ICA1: variants seen among roughly 807,000 people sequenced by gnomAD.
ICA1 encodes 69 kDa islet cell autoantigen.
In ICA1, 40 loss-of-function variants were observed where a neutral mutation model predicts 71.0. The observed-to-expected ratio is 0.56, with a 90% CI of 0.44 to 0.73. The LOEUF is 0.73. ICA1 is among the 30% of genes least tolerant of loss of function. The pLI is 0.00. For missense variants in ICA1, 578 were observed against 576.5 expected (o/e 1.00, Z -0.03); for synonymous variants, 207 against 209.5 (o/e 0.99, Z 0.10).
intron 6 of ICA1, among the ~76,000 whole-genome samples, chr7:8,207,358 T>C (rs1289817880): frequency 6.6e-6 from 1 of 152,206 alleles, no homozygotes; most frequent in Non-Finnish European, 1.5e-5. Context: ...TCTGCTTCTT[T>C]TTAGGGCTCC....
At chr7:8,120,013 A>T (rs533339582) in intron 13 of ICA1, among the ~76,000 whole-genome samples, 30 of 152,326 alleles carry the variant, frequency 2.0e-4, no homozygotes, top group Middle Eastern at 3.4e-3. Context: ...ACACTCATGA[A>T]CCATACAATG....
At chr7:8,190,751 G>C (rs1396910243) in intron 6 of ICA1, among the ~76,000 whole-genome samples, 1 of 152,122 alleles carries the variant, frequency 6.6e-6, no homozygotes, top group South Asian at 2.1e-4. Context: ...GGAGGTTTTT[G>C]GATCAACAAC....
intron 6 of ICA1, among the ~76,000 whole-genome samples, chr7:8,197,547 G>GGA (rs371372631): frequency 1.6e-5 from 2 of 122,212 alleles, no homozygotes; most frequent in African/African-American, 6.5e-5. Flanking sequence ...CTTCGTCTCA[G>GGA]AAAAAAAAAA....
intron 6 of ICA1, among the ~76,000 whole-genome samples, chr7:8,184,179 C>CA (rs1783160206): frequency 6.6e-6 from 1 of 152,156 alleles, no homozygotes; most frequent in African/African-American, 2.4e-5. Flanking sequence ...AAATGTGGTG[C>CA]CTAGTCAAAC....
At position 8,141,770 on chromosome 7, in the gene ICA1, A is replaced by C. The variant is rs757035553; in HGVS notation, c.950T>G (p.Phe317Cys). ...EENQRKESSS[F>C]KTEDGKSILS... ...AAATAAAAATCAAAACTTACTCTTA[A>C]AACTAGAGGATTCCTTGCGCTGGTT... The change falls in exon 10 of 14, where the codon TTT (phenylalanine) becomes TGT (cysteine). Residue 317 changes from phenylalanine to cysteine, a missense_variant. Coordinates refer to ENST00000402384, the MANE Select transcript of ICA1 (RefSeq NM_001136020.3). 1.3e-6 allele frequency: 2 copies of C among 1,552,378 alleles called. No homozygotes were observed. The highest frequency in any genetic ancestry group is 1.8e-6 in the Non-Finnish European group (2 of 1,133,130).
At chr7:8,192,914 T>C (rs1433418406) in intron 6 of ICA1, among the ~76,000 whole-genome samples, 1 of 152,220 alleles carries the variant, frequency 6.6e-6, no homozygotes, top group African/African-American at 2.4e-5. Context: ...AAGTCCCCCT[T>C]ATTCTGCAGG....
intron 1 of ICA1, among the ~76,000 whole-genome samples, chr7:8,257,613 T>A (rs990057021): frequency 6.6e-6 from 1 of 152,198 alleles, no homozygotes; most frequent in African/African-American, 2.4e-5. Flanking sequence ...TCCACAGAAC[T>A]ATATTGCATT....
chr7:8,153,004 C>G (rs531008462), intron 8 of ICA1, among the ~76,000 whole-genome samples: 18 of 152,262 alleles, frequency 1.2e-4, no homozygotes, highest in African/African-American at 4.3e-4. Context: ...TCTAGCACTG[C>G]TGCTGTCATT....
At chr7:8,211,296 T>C (rs1793706922) in intron 6 of ICA1, among the ~76,000 whole-genome samples, 1 of 152,192 alleles carries the variant, frequency 6.6e-6, no homozygotes, top group Middle Eastern at 3.2e-3. Flanking sequence ...CCTTGTGCCA[T>C]GTGCCCTGCT....
rs368102904 is a variant in ICA1 at position 8,206,294 on chromosome 7, A to G, written c.579+12011T>C. The stretch of plus-strand genomic sequence containing the variant: ...TCCCTAAGTGACTTCACCTCCTCAC[A>G]TGGCTCTCCCTGCTGATGGCTTTCG... On this transcript the variant is annotated intron_variant, in intron 6 of 13. Coordinates refer to ENST00000402384, the MANE Select transcript of ICA1 (RefSeq NM_001136020.3). Among the ~76,000 whole-genome samples, 8 of 151,964 alleles carry G rather than the reference A, an allele frequency of 5.3e-5. No individual in the cohort carries two copies. In the East Asian group the frequency reaches 7.7e-4, roughly 15 times the overall value.
At chr7:8,256,722 T>A (rs538126112) in intron 1 of ICA1, among the ~76,000 whole-genome samples, 142 of 152,324 alleles carry the variant, frequency 9.3e-4, no homozygotes, top group Middle Eastern at 6.8e-3. Context: ...TCTCCTGCAC[T>A]AGACTGTAGG....
chr7:8,185,724 T>G (rs557393719), intron 6 of ICA1, among the ~76,000 whole-genome samples: 1 of 152,348 alleles, frequency 6.6e-6, no homozygotes, highest in African/African-American at 2.4e-5. Flanking sequence ...ACAAGGTCAT[T>G]TGATCCAAGC....
intron 6 of ICA1, among the ~76,000 whole-genome samples, chr7:8,175,092 C>T (rs1042349146): frequency 6.6e-5 from 10 of 151,878 alleles, no homozygotes; most frequent in East Asian, 3.9e-4. Flanking sequence ...GTAAGGAAAA[C>T]GAGGTGGGGC....
chr7:8,183,338 C>G (rs969836201), intron 6 of ICA1, among the ~76,000 whole-genome samples: 1 of 152,164 alleles, frequency 6.6e-6, no homozygotes, highest in African/African-American at 2.4e-5. Context: ...CTATTCTAAC[C>G]CCCGTCTACA....
At chr7:8,162,545 T>C (rs1014527446) in intron 6 of ICA1, among the ~76,000 whole-genome samples, 2 of 152,222 alleles carry the variant, frequency 1.3e-5, no homozygotes, top group Admixed American at 6.5e-5. Flanking sequence ...AAGAGTCTAA[T>C]TTCATATGCC....
intron 1 of ICA1, among the ~76,000 whole-genome samples, chr7:8,253,082 T>C (rs1460723621): frequency 2.0e-5 from 3 of 152,236 alleles, no homozygotes; most frequent in African/African-American, 7.2e-5. Context: ...TATATGTGGC[T>C]GCTGTTATAT....
chr7:8,248,011 A>C (rs1806716575), intron 1 of ICA1, among the ~76,000 whole-genome samples: 1 of 152,214 alleles, frequency 6.6e-6, no homozygotes, highest in Non-Finnish European at 1.5e-5. Context: ...ATTTTTCTTC[A>C]GAGAAGCAGA....
intron 8 of ICA1, among the ~76,000 whole-genome samples, chr7:8,147,632 T>C (rs1217796453): frequency 6.6e-6 from 1 of 150,962 alleles, no homozygotes; most frequent in African/African-American, 2.4e-5. Context: ...ACAAGCAAAA[T>C]TGATACTGAG....
chr7:8,216,263 G>T (rs1237620440), intron 6 of ICA1, among the ~76,000 whole-genome samples: 1 of 152,146 alleles, frequency 6.6e-6, no homozygotes, highest in Non-Finnish European at 1.5e-5. Flanking sequence ...TGATGGCTGT[G>T]AAGATCCCCA....
Sources: allele counts gnomAD v4.1 joint callset (sites outside exome capture counted in the v4.1 genomes callset), GRCh38; gene constraint gnomAD v4.1.1; transcripts MANE v1.5; gene names NCBI Gene and HGNC (gene_info 2026-07-23, HGNC 2026-07-21).